POPDC3: variants seen among roughly 807,000 people sequenced by gnomAD.
The protein encoded by POPDC3 is popeye domain-containing protein 3.
Under a neutral mutation model 28.2 loss-of-function variants are expected in POPDC3, and 20 were observed. The observed-to-expected ratio is 0.71, with a 90% CI of 0.50 to 1.03. POPDC3 has a LOEUF of 1.03. Ranked by LOEUF, POPDC3 falls within the 50% of genes least tolerant of loss-of-function variation. The pLI, the probability that POPDC3 is intolerant of heterozygous loss-of-function variation, is 0.00. For missense variants in POPDC3, 316 were observed against 345.9 expected, an observed-to-expected ratio of 0.91 and a Z score of 0.69; for synonymous variants, 118 against 124.1, an observed-to-expected ratio of 0.95 and a Z score of 0.33.
At chr6:105,173,272 C>G (rs971487860) in intron 1 of POPDC3, among the ~76,000 whole-genome samples, 2 of 152,142 alleles carry the variant, frequency 1.3e-5, no homozygotes, top group Non-Finnish European at 1.5e-5. Flanking sequence ...AAATTCCAAA[C>G]AGAATGTTTT....
chr6:105,165,070 G>A (rs543458191), intron 1 of POPDC3, among the ~76,000 whole-genome samples: 1 of 152,284 alleles, frequency 6.6e-6, no homozygotes, highest in South Asian at 2.1e-4. Flanking sequence ...AGAAAAGAAG[G>A]GCACAGATTG....
intron 2 of POPDC3, chr6:105,160,147 A>G (rs55897630): frequency 0.1 from 16,890 of 167,354 alleles, 1,095 homozygotes; most frequent in African/African-American, 0.19. Flanking sequence ...GTCAGATTTT[A>G]AATTAAGTAG....
intron 2 of POPDC3, among the ~76,000 whole-genome samples, chr6:105,160,591 GTTTAT>G (rs1011723022): frequency 6.6e-5 from 10 of 151,862 alleles, no homozygotes; most frequent in South Asian, 4.2e-4. Context: ...TGTTTTCAAA[GTTTAT>G]TTTATTTTAT....
intron 1 of POPDC3, among the ~76,000 whole-genome samples, chr6:105,164,142 C>T (rs1049661757): frequency 6.6e-6 from 1 of 152,186 alleles, no homozygotes; most frequent in African/African-American, 2.4e-5. Context: ...AACACACCCA[C>T]GAAAGCCAGT....
rs535602816 is a variant in POPDC3, at chr6:105,172,308, T to G, written c.-252+7525A>C. Among the ~76,000 whole-genome samples the G allele has an allele frequency of 8.5e-4, 128 of 151,272 alleles. 4 individuals are homozygous for G. Among genetic ancestry groups the G allele is most frequent in the African/African-American group, 3.0e-3 (124 of 41,048 alleles). On this transcript the variant is annotated intron_variant, in intron 1 of 3. Transcript: ENST00000254765. ...ATGCTCATCATCACTGGCCATCACATAAATGCAAATCAAAACCACAATGAG... is the reference window on the plus strand; with the variant it reads ...ATGCTCATCATCACTGGCCATCACAGAAATGCAAATCAAAACCACAATGAG...
intron 1 of POPDC3, among the ~76,000 whole-genome samples, chr6:105,162,802 G>T (rs1362908115): frequency 1.3e-5 from 2 of 152,138 alleles, no homozygotes; most frequent in Non-Finnish European, 2.9e-5. Flanking sequence ...TTGCGGGTGG[G>T]GCCCAGATGT....
At chr6:105,178,721 C>G in intron 1 of POPDC3, 1 of 984,936 alleles carries the variant, frequency 1.0e-6, no homozygotes, top group Non-Finnish European at 1.2e-6. Context: ...TTTTCTGTCT[C>G]ATGTAGTTCT....
In POPDC3 at chr6:105,161,730, A is replaced by C. The variant is rs1242467707; in HGVS notation, c.180T>G (p.Gly60=). The change falls in exon 2 of 4, where the codon GGT becomes GGG. Residue 60 remains glycine (G), a synonymous_variant. Coordinates refer to ENST00000254765, the MANE Select transcript of POPDC3 (RefSeq NM_022361.5). ...LLYVFSLLGL[G]FLCSAVWAWV... ...AAGCCCAGACAGCAGAACAGAGAAA[A>C]CCCAACCCCAGCAAACTGAAGACAT... 1 of 1,614,134 alleles carries C rather than the reference A, an allele frequency of 6.2e-7. No homozygotes were observed. Among genetic ancestry groups the C allele is most frequent in the African/African-American group, 1.3e-5 (1 of 75,046 alleles).
At chr6:105,177,761 AT>A (rs1239591841) in intron 1 of POPDC3, among the ~76,000 whole-genome samples, 8 of 152,164 alleles carry the variant, frequency 5.3e-5, no homozygotes, top group African/African-American at 1.7e-4. Flanking sequence ...TTCCTTCATG[AT>A]CCCATCCTAG....
chr6:105,161,558 G>A lies in POPDC3; in HGVS notation c.352C>T (p.Pro118Ser). The change falls in exon 2 of 4, where the codon CCC (proline) becomes TCC (serine). Residue 118 changes from proline (P) to serine (S), a missense_variant. Transcript: ENST00000254765. Reference protein sequence around the residue: ...FQVLYSSLFQPLGISLPVFRT... With the variant: ...FQVLYSSLFQSLGISLPVFRT... ...AAGACAGGCAAAGAGATCCCCAGGG[G>A]CTGGAAAAGGGAGCTGTACAACACT... 1 of 1,614,134 alleles carries A rather than the reference G, an allele frequency of 6.2e-7. No homozygotes were observed. The highest frequency in any genetic ancestry group is 8.5e-7 in the Non-Finnish European group (1 of 1,180,028).
rs1385391308 is a variant in POPDC3 at position 105,170,899 on chromosome 6, C to CAA, written c.-251-8741_-251-8740dup. On this transcript the variant is annotated intron_variant, in intron 1 of 3. Coordinates refer to ENST00000254765, the MANE Select transcript of POPDC3 (RefSeq NM_022361.5). ...ATGGCACTTGATATTAAAAAAAGGC[C>CAA]AAAAACTTGCTAGGGAGGTGGAATG... 3.3e-5 allele frequency among the ~76,000 whole-genome samples: 5 copies of CAA among 152,030 alleles called. No individual in the cohort carries two copies. The East Asian group carries it at 9.6e-4, about 29-fold the overall frequency.
At chr6:105,172,757 AC>A (rs1231507218) in intron 1 of POPDC3, among the ~76,000 whole-genome samples, 1 of 150,280 alleles carries the variant, frequency 6.7e-6, no homozygotes, top group African/African-American at 2.5e-5. Context: ...GAAGCTGGAA[AC>A]CATCATTCTC....
At chr6:105,167,107 TGAATTAAAAAAAAAA>T (rs1774471826) in intron 1 of POPDC3, among the ~76,000 whole-genome samples, 1 of 151,364 alleles carries the variant, frequency 6.6e-6, no homozygotes, top group Admixed American at 6.6e-5. Flanking sequence ...GTTTAGATGT[TGAATTAAAAAAAAAA>T]GGGAAGCATG....
rs1279592046 is a variant in POPDC3, at chr6:105,159,643, T to C, written c.594+68A>G. 3.5e-6 allele frequency: 3 copies of C among 867,660 alleles called. No homozygotes were observed. The South Asian group carries it at 4.5e-5, about 13-fold the overall frequency. 53.7% of individuals were successfully genotyped at this position (867,660 alleles called of 1,614,324 possible). A position where few individuals can be genotyped will look rare whatever the true frequency, so the allele number is the denominator to read the frequency against. ...GTCTTATCCACTGTTGTTTATTTGT[T>C]TACTTATTTTTAAACAAACATCTGT... On this transcript the variant is annotated intron_variant, in intron 3 of 3. Transcript: ENST00000254765.
In POPDC3 at chr6:105,161,614, A is replaced by G. The variant is rs1343981676; in HGVS notation, c.296T>C (p.Val99Ala). 5.0e-6 allele frequency: 8 copies of G among 1,614,236 alleles called. No individual in the cohort carries two copies. In the South Asian group the frequency reaches 7.7e-5, roughly 16 times the overall value. The change falls in exon 2 of 4, where the codon GTT (valine) becomes GCT (alanine). Residue 99 changes from valine to alanine, a missense_variant. Physicochemically the swap from Val to Ala is moderately conservative, Grantham distance 64. Transcript: ENST00000254765. Reference protein sequence around the residue: ...FMQFVHIAYQVRSITFAREFQ... With the variant: ...FMQFVHIAYQARSITFAREFQ... ...TTCTCGGGCAAAGGTTATGCTGCGA[A>G]CTTGATATGCAATATGAACAAATTG... is the stretch of plus-strand genomic sequence containing the variant.
chr6:105,171,030 A>G (rs1042695930), intron 1 of POPDC3, among the ~76,000 whole-genome samples: 1 of 152,220 alleles, frequency 6.6e-6, no homozygotes, highest in Non-Finnish European at 1.5e-5. Flanking sequence ...TTTATATAGG[A>G]AAGTTCACAA....
At chr6:105,162,662 A>G (rs1198432999) in intron 1 of POPDC3, among the ~76,000 whole-genome samples, 2 of 152,204 alleles carry the variant, frequency 1.3e-5, no homozygotes, top group African/African-American at 4.8e-5. Flanking sequence ...AACTTGGGAG[A>G]CAGGCTTCAG....
intron 2 of POPDC3, among the ~76,000 whole-genome samples, 169 bp downstream of exon 2, chr6:105,161,256 A>G (rs1489522284): frequency 6.6e-6 from 1 of 152,222 alleles, no homozygotes; most frequent in Non-Finnish European, 1.5e-5. Context: ...AAATAATGCC[A>G]TATATTCTAA....
chr6:105,172,571 A>G (rs909934871), intron 1 of POPDC3, among the ~76,000 whole-genome samples: 14 of 150,922 alleles, frequency 9.3e-5, no homozygotes, highest in Non-Finnish European at 1.6e-4. Context: ...ATGCTGCTAT[A>G]AAGACACATG....
Sources: gnomAD v4.1 joint callset for allele counts (sites outside exome capture counted in the v4.1 genomes callset) on GRCh38, gnomAD v4.1.1 for gene constraint, MANE v1.5 for transcripts, NCBI Gene and HGNC (gene_info 2026-07-23, HGNC 2026-07-21) for gene names.